Variants in KCNH3 observed in about 807,000 individuals in gnomAD.
The protein encoded by KCNH3 is potassium voltage-gated channel subfamily H member 3, also known as voltage-gated inwardly rectifying potassium channel KCNH3.
In KCNH3, 36 loss-of-function variants were observed where a neutral mutation model predicts 95.6. That is an observed-to-expected ratio of 0.38 (90% confidence interval 0.29 to 0.50). The LOEUF (loss-of-function observed/expected upper bound fraction) is 0.50, where lower values mean the gene tolerates loss of function less well. Among genes scored for constraint, KCNH3 ranks in the 20% least tolerant of loss-of-function variants. The probability of loss-of-function intolerance (pLI) is 0.95; values close to 1 mark genes in which losing one functional copy is unlikely to be tolerated. For synonymous variants in KCNH3, 620 were observed against 646.3 expected, an observed-to-expected ratio of 0.96 and a Z score of 0.62; for missense variants, 1,030 against 1,484.1, an observed-to-expected ratio of 0.69 and a Z score of 5.03.
chr12:49,539,517 C>T lies in KCNH3; in HGVS notation c.76+25C>T, dbSNP rs1351976005. On this transcript the variant is annotated intron_variant, in intron 1 of 14. Coordinates refer to ENST00000257981, the MANE Select transcript of KCNH3 (RefSeq NM_012284.3). This position sits in a 1 kb window ranked among gnomAD's most constrained non-coding sequence, Gnocchi z 6.7. ...CGTGAGTCCGACCCTCGCCCACTTG[C>T]ACCCGGGCCGCCGGACCCTCGCCAG... is the stretch of plus-strand genomic sequence containing the variant. 1 of 1,579,602 alleles carries T rather than the reference C, an allele frequency of 6.3e-7. No homozygotes were observed. Among genetic ancestry groups the T allele is most frequent in the Admixed American group, 1.8e-5 (1 of 56,104 alleles).
At chr12:49,545,549 C>G (rs993834459) in intron 7 of KCNH3, among the ~76,000 whole-genome samples, 1 of 151,998 alleles carries the variant, frequency 6.6e-6, no homozygotes, top group African/African-American at 2.4e-5. Flanking sequence ...TCCGCCAGCA[C>G]GCCGGCTAAT....
intron 7 of KCNH3, 21 bp downstream of exon 7, chr12:49,544,403 A>T (rs369870592): frequency 6.2e-7 from 1 of 1,609,990 alleles, no homozygotes; most frequent in Non-Finnish European, 8.5e-7. Flanking sequence ...CTCCCTCTGC[A>T]TGTGGTGGGG....
intron 7 of KCNH3, among the ~76,000 whole-genome samples, chr12:49,545,499 T>C (rs1938031835): frequency 6.6e-6 from 1 of 151,114 alleles, no homozygotes; most frequent in Admixed American, 6.6e-5. Flanking sequence ...TTCACGCCAT[T>C]CTCCTGCCTC....
At chr12:49,543,795 T>C (rs910645738) in intron 5 of KCNH3, 120 bp from the exon 6 acceptor site, 24 of 1,333,462 alleles carry the variant, frequency 1.8e-5, no homozygotes, top group Admixed American at 8.2e-5. Context: ...CTGTGAGAAC[T>C]AAGACGATGT....
rs747642973 is a variant in KCNH3, at chr12:49,548,975, G to A, written c.1270G>A (p.Gly424Ser). ...GRRPAGGNSS[G>S]QSDNCSSSSE... is the part of the protein sequence containing the mutation. ...GAGGCCAGCTGGAGGGAACAGCTCC[G>A]GCCAGAGTGACAACTGCAGCAGCAG... Residue 424 changes from glycine (G) to serine (S), a missense_variant, in exon 8 of 15, where the codon GGC becomes AGC. This residue lies in a region of KCNH3 where 50 missense variants were observed against 41.0 expected (regional missense o/e 1.22). Coordinates refer to ENST00000257981, the MANE Select transcript of KCNH3 (RefSeq NM_012284.3). 3.7e-6 allele frequency: 6 copies of A among 1,610,172 alleles called. No individual in the cohort carries two copies. The highest frequency in any genetic ancestry group is 2.7e-5 in the African/African-American group (2 of 74,882).
intron 9 of KCNH3, among the ~76,000 whole-genome samples, 197 bp downstream of exon 9, chr12:49,549,837 G>T (rs1193461196): frequency 1.3e-5 from 2 of 152,228 alleles, no homozygotes; most frequent in Non-Finnish European, 2.9e-5. Context: ...GTTAGGTCTG[G>T]GGGCTTGGTA....
At position 49,556,753 on chromosome 12, in the gene KCNH3, G is replaced by C. The variant is rs1328858622; in HGVS notation, c.2575+277G>C. 4.4e-6 allele frequency: 3 copies of C among 676,834 alleles called. No individual in the cohort carries two copies. The South Asian group carries it at 4.5e-5, about 10-fold the overall frequency. The allele number at this position is 676,834 out of a possible 1,614,324, so 41.9% of individuals were successfully genotyped here. ...CTTCTCTGGCCCCAGCTTCCTGTCT[G>C]TAAAAAAATGGGTTGATGTTTACGT... On this transcript the variant is annotated intron_variant, in intron 13 of 14. Transcript: ENST00000257981.
At chr12:49,544,144 C>CG in intron 6 of KCNH3, 31 bp from the exon 7 acceptor site, 40 of 1,492,960 alleles carry the variant, frequency 2.7e-5, no homozygotes, top group Non-Finnish European at 3.5e-5. Flanking sequence ...GCTGACCTCC[C>CG]TCCCTCCCTC....
chr12:49,544,116 G>A, intron 6 of KCNH3, 44 bp downstream of exon 6: 8 of 1,605,730 alleles, frequency 5.0e-6, no homozygotes, highest in South Asian at 2.2e-5. Flanking sequence ...TTGGCCAGGG[G>A]ACAGGCAGGG....
intron 2 of KCNH3, 102 bp from the exon 3 acceptor site, chr12:49,541,528 A>G (rs1398806582): frequency 7.1e-7 from 1 of 1,399,958 alleles, no homozygotes; most frequent in Admixed American, 2.0e-5. Flanking sequence ...AAACCGCTAG[A>G]TCCTGCCTGT....
At chr12:49,549,264 G>A (rs916638065) in intron 8 of KCNH3, 91 bp downstream of exon 8, 1 of 1,490,322 alleles carries the variant, frequency 6.7e-7, no homozygotes, top group South Asian at 1.3e-5. Flanking sequence ...CCTGAGGCCG[G>A]GGGCTCTTCC....
chr12:49,556,761 A>G, intron 13 of KCNH3: 1 of 672,410 alleles, frequency 1.5e-6, no homozygotes, highest in South Asian at 1.5e-5. Context: ...CTGTAAAAAA[A>G]TGGGTTGATG....
intron 12 of KCNH3, 165 bp downstream of exon 12, chr12:49,556,116 T>C: frequency 1.7e-6 from 1 of 594,460 alleles, no homozygotes; most frequent in East Asian, 2.8e-5. Flanking sequence ...TCCTTTCTCC[T>C]GCTGTCCCAC....
chr12:49,540,346 TCA>T (rs1286698489), intron 1 of KCNH3, among the ~76,000 whole-genome samples: 1 of 152,194 alleles, frequency 6.6e-6, no homozygotes, highest in Non-Finnish European at 1.5e-5. Flanking sequence ...GCTCCCGTGC[TCA>T]GTCACCATTC....
chr12:49,550,048 A>ACCC, intron 9 of KCNH3, 32 bp from the exon 10 acceptor site: 6 of 800,682 alleles, frequency 7.5e-6, no homozygotes, highest in Admixed American at 2.2e-5. Context: ...GCCACTCCCA[A>ACCC]CCCCCCCACC....
Position 49,555,937 on chromosome 12 carries a change from A to C in KCNH3, c.2454A>C (p.Pro818=), listed in dbSNP as rs200139578. The change falls in exon 12 of 15, where the codon CCA becomes CCC. Residue 818 remains proline, a synonymous_variant. Transcript: ENST00000257981. The stretch of plus-strand genomic sequence containing the variant: ...CCCCCATGCCATGGAATGTGCCCCC[A>C]GATCTGAGCCCCAGGTGAGCAGACC... ...RLPPMPWNVP[P]DLSPRVVDGI... is the part of the protein sequence containing the mutation. The C allele has an allele frequency of 3.2e-6, 5 of 1,547,672 alleles. No homozygotes were observed. The highest frequency in any genetic ancestry group is 4.4e-6 in the Non-Finnish European group (5 of 1,134,012).
At chr12:49,543,200 G>A (rs935517135) in intron 4 of KCNH3, 75 bp from the exon 5 acceptor site, 2 of 1,509,724 alleles carry the variant, frequency 1.3e-6, no homozygotes, top group Non-Finnish European at 1.8e-6. Context: ...GTGGATGCGG[G>A]TCCCAGACTC....
In KCNH3 at chr12:49,540,766, C is replaced by T. The variant is rs563717479; in HGVS notation, c.77-133C>T. ...CACACTGATTGCTATTCATAAACAG[C>T]CCTGCCTTAACACACGCAGGATTCC... On this transcript the variant is annotated intron_variant, in intron 1 of 14. Coordinates refer to ENST00000257981, the MANE Select transcript of KCNH3 (RefSeq NM_012284.3). 91 of 663,298 alleles carry T rather than the reference C, an allele frequency of 1.4e-4. No homozygotes were observed. The African/African-American group carries it at 1.5e-3, about 11-fold the overall frequency. 41.1% of individuals were successfully genotyped at this position (663,298 alleles called of 1,614,324 possible).
At chr12:49,543,172 T>A (rs1937933441) in intron 4 of KCNH3, 103 bp from the exon 5 acceptor site, 1 of 1,272,842 alleles carries the variant, frequency 7.9e-7, no homozygotes, top group East Asian at 2.5e-5. Context: ...GCTTCGATAA[T>A]GCAGGGATAG....
Sources: allele counts gnomAD v4.1 joint callset (sites outside exome capture counted in the v4.1 genomes callset), GRCh38; gene constraint gnomAD v4.1.1; regional missense constraint gnomAD v4.1.1; non-coding constraint Gnocchi (gnomAD v3.1); transcripts MANE v1.5; gene names NCBI Gene and HGNC (gene_info 2026-07-23, HGNC 2026-07-21).